KLHL3: variants seen among roughly 807,000 people sequenced by gnomAD.
KLHL3 encodes kelch like family member 3.
A neutral mutation model predicts 70.5 loss-of-function variants in KLHL3; 19 were observed. The observed-to-expected ratio is 0.27, with a 90% CI of 0.19 to 0.40. The LOEUF (loss-of-function observed/expected upper bound fraction) is 0.40. Among genes scored for constraint, KLHL3 ranks in the 10% least tolerant of loss-of-function variants. The pLI is 1.00. For synonymous variants in KLHL3, 258 were observed against 290.3 expected (o/e 0.89, Z 1.13); for missense variants, 512 against 771.1 (o/e 0.66, Z 3.98).
At chr5:137,655,561 T>C (rs1218911610) in intron 8 of KLHL3, among the ~76,000 whole-genome samples, 1 of 152,146 alleles carries the variant, frequency 6.6e-6, no homozygotes, top group Non-Finnish European at 1.5e-5. Flanking sequence ...TTTGACTCCT[T>C]AAAAACTGGG....
chr5:137,722,937 G>A (rs1334608350), intron 1 of KLHL3, among the ~76,000 whole-genome samples: 1 of 152,222 alleles, frequency 6.6e-6, no homozygotes, highest in Non-Finnish European at 1.5e-5. Context: ...CCAAAGTGCT[G>A]CGATTACTGG....
rs1750255922 is a variant in KLHL3 at position 137,620,385 on chromosome 5, T to C, written c.*1713A>G. The C allele has an allele frequency of 6.6e-6, 1 of 152,192 alleles. No homozygotes were observed. The highest frequency in any genetic ancestry group is 2.4e-5 in the African/African-American group (1 of 41,454). The allele number at this position is 152,192 out of a possible 1,614,324, so 9.4% of individuals were successfully genotyped here. On this transcript the variant is annotated 3_prime_UTR_variant, in exon 15 of 15. Transcript: ENST00000309755. The stretch of plus-strand genomic sequence containing the variant: ...CACTGGCTGGGAAGACTTCGGGGTT[T>C]CTAACTGCAGGGGCTGGGGGATGCC...
At chr5:137,637,506 G>A (rs1750798153) in intron 10 of KLHL3, 111 bp from the exon 11 acceptor site, 6 of 813,224 alleles carry the variant, frequency 7.4e-6, no homozygotes, top group South Asian at 1.5e-5. Context: ...AAACCTAAAT[G>A]TATGGCTCAG....
chr5:137,696,130 A>G (rs1752439359), intron 4 of KLHL3, among the ~76,000 whole-genome samples: 1 of 152,092 alleles, frequency 6.6e-6, no homozygotes, highest in Non-Finnish European at 1.5e-5. Flanking sequence ...CCTGCCACAG[A>G]GTTTGCTTCC....
At chr5:137,633,078 A>C (rs1750677978) in intron 12 of KLHL3, among the ~76,000 whole-genome samples, 2 of 152,090 alleles carry the variant, frequency 1.3e-5, no homozygotes, top group Non-Finnish European at 2.9e-5. Context: ...CAGGAGATTG[A>C]GACCATCCTG....
rs2149929389 is a variant in KLHL3 at position 137,709,832 on chromosome 5, C to T, written c.159G>A (p.Met53Ile). The T allele has an allele frequency of 6.2e-7, 1 of 1,614,154 alleles. No homozygotes were observed. Among genetic ancestry groups the T allele is most frequent in the East Asian group, 2.2e-5 (1 of 44,874 alleles). ...LRSKQLLCDVMIVAEDVEIEA... is the reference protein window; with the variant it reads ...LRSKQLLCDVIIVAEDVEIEA... ...CTATCTCGACATCTTCTGCCACAAT[C>T]ATCACGTCACACAACAGCTGTTTAC... Residue 53 changes from methionine to isoleucine, a missense_variant, in exon 3 of 15, where the codon ATG becomes ATA. Transcript: ENST00000309755.
chr5:137,644,229 C>T (rs779227384), intron 8 of KLHL3, among the ~76,000 whole-genome samples: 33 of 152,180 alleles, frequency 2.2e-4, no homozygotes, highest in African/African-American at 4.8e-4. Flanking sequence ...CCACCACACC[C>T]GGCTAATTTT....
In KLHL3 at chr5:137,647,684, C is replaced by T. The variant is rs574146624; in HGVS notation, c.904-7707G>A. The T allele has an allele frequency of 3.7e-4, 161 of 438,530 alleles. 2 individuals carry two copies. Among genetic ancestry groups the T allele is most frequent in the South Asian group, 2.5e-3 (153 of 60,744 alleles). The allele number at this position is 438,530 out of a possible 1,614,324, so 27.2% of individuals were successfully genotyped here. The stretch of plus-strand genomic sequence containing the variant: ...TTCATCCGATGGAGCATGTCGAGGT[C>T]GAGCCAGAAGACTTGTCCAAGCAGG... On this transcript the variant is annotated intron_variant, in intron 8 of 14. Coordinates refer to ENST00000309755, the MANE Select transcript of KLHL3 (RefSeq NM_017415.3).
intron 3 of KLHL3, among the ~76,000 whole-genome samples, chr5:137,705,582 T>C (rs1165505791): frequency 2.0e-5 from 3 of 152,218 alleles, no homozygotes; most frequent in African/African-American, 7.2e-5. Flanking sequence ...TATGACCAGA[T>C]GAGTGGGACA....
intron 12 of KLHL3, chr5:137,629,346 A>G (rs1470343318): frequency 6.6e-6 from 1 of 152,166 alleles, no homozygotes; most frequent in Non-Finnish European, 1.5e-5. Flanking sequence ...AAAGGGAAAG[A>G]GTTGTACTAG....
intron 5 of KLHL3, among the ~76,000 whole-genome samples, chr5:137,690,159 C>T (rs1561607555): frequency 6.6e-6 from 1 of 152,154 alleles, no homozygotes; most frequent in Non-Finnish European, 1.5e-5. Context: ...AACCCCATCT[C>T]TACTAAAAAT....
intron 3 of KLHL3, among the ~76,000 whole-genome samples, chr5:137,698,685 T>G (rs1046108035): frequency 2.0e-5 from 3 of 152,190 alleles, no homozygotes; most frequent in African/African-American, 7.2e-5. Context: ...AATCACTCAT[T>G]TAACCAACAT....
chr5:137,719,266 T>C (rs533778446), intron 2 of KLHL3, among the ~76,000 whole-genome samples: 3 of 152,262 alleles, frequency 2.0e-5, no homozygotes, highest in African/African-American at 7.2e-5. Context: ...TTATATTTTT[T>C]ACTTTGTACC....
Position 137,709,842 on chromosome 5 carries a change from C to T in KLHL3, c.149G>A (p.Cys50Tyr), listed in dbSNP as rs1238198785. The T allele has an allele frequency of 6.2e-7, 1 of 1,614,100 alleles. No individual in the cohort carries two copies. The change falls in exon 3 of 15, where the codon TGT becomes TAT. Residue 50 changes from cysteine (C) to tyrosine (Y), a missense_variant. By Grantham distance (194) the Cys-to-Tyr change is radical. Transcript: ENST00000309755. ...ATCTTCTGCCACAATCATCACGTCA[C>T]ACAACAGCTGTTTACTGTAAGACAC... ...MNELRSKQLLCDVMIVAEDVE... is the reference protein window; with the variant it reads ...MNELRSKQLLYDVMIVAEDVE...
chr5:137,728,333 C>A (rs1231959098), intron 1 of KLHL3, among the ~76,000 whole-genome samples: 6 of 152,088 alleles, frequency 3.9e-5, no homozygotes, highest in Non-Finnish European at 8.8e-5. Context: ...GACAGGTGCT[C>A]AATGAATGAT....
chr5:137,696,709 T>C lies in KLHL3; in HGVS notation c.363+1578A>G, dbSNP rs567837124. Among the ~76,000 whole-genome samples, 11 of 152,296 alleles carry C rather than the reference T, an allele frequency of 7.2e-5. No homozygotes were observed. In the South Asian group the frequency reaches 2.3e-3, roughly 32 times the overall value. On this transcript the variant is annotated intron_variant, in intron 4 of 14. Coordinates refer to ENST00000309755, the MANE Select transcript of KLHL3 (RefSeq NM_017415.3). ...TGGCTTCAGCTTCCAACTCTACCAC[T>C]TACTCTCTATGTGACCGTGGCAGTT...
At chr5:137,726,081 C>T (rs1443717303) in intron 1 of KLHL3, among the ~76,000 whole-genome samples, 7 of 152,190 alleles carry the variant, frequency 4.6e-5, no homozygotes. Context: ...TGCACACCAT[C>T]GCCAAACTGA....
At chr5:137,733,586 G>A (rs1753214197) in intron 1 of KLHL3, among the ~76,000 whole-genome samples, 1 of 152,114 alleles carries the variant, frequency 6.6e-6, no homozygotes, top group Non-Finnish European at 1.5e-5. Flanking sequence ...ACAAACCAGA[G>A]GTATTAGAAT....
Position 137,735,980 on chromosome 5 carries a change from A to T in KLHL3, c.-334T>A. 2.3e-6 allele frequency: 1 copy of T among 434,434 alleles called. No homozygotes were observed. The highest frequency in any genetic ancestry group is 4.3e-6 in the Non-Finnish European group (1 of 232,016). The allele number at this position is 434,434 out of a possible 1,614,324, so 26.9% of individuals were successfully genotyped here. A position where few individuals can be genotyped will look rare whatever the true frequency, so the allele number is the denominator to read the frequency against. ...GGAACGGCGGCAGCTCCAGCGACCC[A>T]GGTGCACTGCCACCTTTCCAGCTTC... On this transcript the variant is annotated 5_prime_UTR_variant, in exon 1 of 15. Transcript: ENST00000309755.
Sources: allele counts gnomAD v4.1 joint callset (sites outside exome capture counted in the v4.1 genomes callset), GRCh38; gene constraint gnomAD v4.1.1; transcripts MANE v1.5; gene names NCBI Gene and HGNC (gene_info 2026-07-23, HGNC 2026-07-21).